Variants in KRI1 observed in about 807,000 individuals in gnomAD.
The protein encoded by KRI1 is KRI1 homolog.
A neutral mutation model predicts 97.0 loss-of-function variants in KRI1; 83 were observed. The observed-to-expected ratio is 0.86, with a 90% CI of 0.72 to 1.03. The LOEUF (loss-of-function observed/expected upper bound fraction) is 1.03. Ranked by LOEUF, KRI1 falls within the 50% of genes least tolerant of loss-of-function variation. The pLI is 0.00. For missense variants in KRI1, 916 were observed against 928.4 expected (o/e 0.99, Z 0.17); for synonymous variants, 371 against 363.5 (o/e 1.02, Z -0.23).
At chr19:10,560,834 G>A (rs531467931) in intron 8 of KRI1, among the ~76,000 whole-genome samples, 169 bp downstream of exon 8, 1 of 152,306 alleles carries the variant, frequency 6.6e-6, no homozygotes, top group East Asian at 1.9e-4. Flanking sequence ...AAAGCACTGG[G>A]ATTACAGGTG....
chr19:10,560,233 GCCT>G (rs1916649990), intron 9 of KRI1, 76 bp downstream of exon 9: 1 of 1,486,004 alleles, frequency 6.7e-7, no homozygotes, highest in Admixed American at 2.3e-5. Flanking sequence ...GGTGCCCTCT[GCCT>G]CCTGGCCAGT....
chr19:10,553,877 A>G lies in KRI1; in HGVS notation c.*74T>C. 1 of 1,217,742 alleles carries G rather than the reference A, an allele frequency of 8.2e-7. No homozygotes were observed. The highest frequency in any genetic ancestry group is 1.6e-5 in the South Asian group (1 of 64,440). The allele number at this position is 1,217,742 out of a possible 1,614,324, so 75.4% of individuals were successfully genotyped here. A position where few individuals can be genotyped will look rare whatever the true frequency, so the allele number is the denominator to read the frequency against. On this transcript the variant is annotated 3_prime_UTR_variant, in exon 19 of 19. Transcript: ENST00000312962. The stretch of plus-strand genomic sequence containing the variant: ...TGAGAGGATCTCTGCAGCAGATAGT[A>G]CTTGTGGGTGCGAGACCTGTCCAGG...
At position 10,561,785 on chromosome 19, in the gene KRI1, A is replaced by AC. The variant is rs1303265240; in HGVS notation, c.438+5dup. 3 of 1,612,068 alleles carry AC rather than the reference A, an allele frequency of 1.9e-6. No homozygotes were observed. The African/African-American group carries it at 4.0e-5, about 22-fold the overall frequency. ...AGCCCCCCGACCCAGCCTTCACCCC[A>AC]CCCACCTGGAGTCTGTGATTGGAAG... On this transcript the variant is annotated splice_donor_region_variant and intron_variant, in intron 5 of 18. Coordinates refer to ENST00000312962, the MANE Select transcript of KRI1 (RefSeq NM_023008.5).
Position 10,553,304 on chromosome 19 carries a change from C to A in KRI1, c.*647G>T, listed in dbSNP as rs891178440. 2 of 520,614 alleles carry A rather than the reference C, an allele frequency of 3.8e-6. No individual in the cohort carries two copies. Among genetic ancestry groups the A allele is most frequent in the Admixed American group, 6.4e-5 (2 of 31,446 alleles). 32.2% of individuals were successfully genotyped at this position (520,614 alleles called of 1,614,324 possible). A position where few individuals can be genotyped will look rare whatever the true frequency, so the allele number is the denominator to read the frequency against. On this transcript the variant is annotated 3_prime_UTR_variant, in exon 19 of 19. Transcript: ENST00000312962. ...AGGGAAGGAGGACCCCGGGCACCCC[C>A]CTCAGGGCCTGACTCACGTACTGTA...
chr19:10,557,922 A>G, intron 14 of KRI1, 27 bp from the exon 15 acceptor site: 1 of 1,613,716 alleles, frequency 6.2e-7, no homozygotes, highest in Non-Finnish European at 8.5e-7. Flanking sequence ...GTCAGATCCC[A>G]CCAGCCCCCC....
Position 10,561,066 on chromosome 19 carries a change from G to A in KRI1, c.600C>T (p.Ala200=), listed in dbSNP as rs538496961. The change falls in exon 8 of 19, where the codon GCC becomes GCT. Residue 200 remains alanine (A), a synonymous_variant. Transcript: ENST00000312962. ...GTCCCTTCAGCCACTCGATGTAGTC[G>A]GCCTCCTCCTGGGCCTGGGGGAAAG... ...KTRQEKAQEE[A]DYIEWLKGQK... The A allele has an allele frequency of 5.6e-6, 9 of 1,614,032 alleles. No homozygotes were observed. The highest frequency in any genetic ancestry group is 1.6e-4 in the Middle Eastern group (1 of 6,062).
Position 10,563,211 on chromosome 19 carries a change from G to A in KRI1, c.275-374C>T, listed in dbSNP as rs557085055. Among the ~76,000 whole-genome samples, 8 of 151,128 alleles carry A rather than the reference G, an allele frequency of 5.3e-5. No individual in the cohort carries two copies. In the East Asian group the frequency reaches 7.8e-4, roughly 15 times the overall value. ...GCTGGGATTACAGGTGCCCACCACC[G>A]CGCCCGGCTAATTTTTATATTTTTA... On this transcript the variant is annotated intron_variant, in intron 3 of 18. Coordinates refer to ENST00000312962, the MANE Select transcript of KRI1 (RefSeq NM_023008.5).
At position 10,555,331 on chromosome 19, in the gene KRI1, T is replaced by C; in HGVS notation, c.1636A>G (p.Lys546Glu). 3.7e-6 allele frequency: 6 copies of C among 1,614,160 alleles called. No homozygotes were observed. Among genetic ancestry groups the C allele is most frequent in the Non-Finnish European group, 5.1e-6 (6 of 1,180,022 alleles). ...AGGGAGCACCACCGGTTCAGCTCCT[T>C]ATCGTCAGCAGCGAGGATCTGCGTG... ...STEEILAADD[K>E]ELNRWCSLKK... is the part of the protein sequence containing the mutation. Residue 546 changes from lysine (K) to glutamate (E), a missense_variant, in exon 17 of 19, where the codon AAG becomes GAG. By Grantham distance (56) the Lys-to-Glu change is moderately conservative (BLOSUM62 1). Around this residue, in one of 3 missense-constraint regions of KRI1, gnomAD observed 672 missense variants for 667.2 expected, o/e 1.01. Coordinates refer to ENST00000312962, the MANE Select transcript of KRI1 (RefSeq NM_023008.5).
intron 3 of KRI1, 124 bp from the exon 4 acceptor site, chr19:10,562,961 C>A: frequency 1.5e-6 from 1 of 678,586 alleles, no homozygotes; most frequent in South Asian, 1.7e-5. Flanking sequence ...CAATTCCCAG[C>A]TGTCCAAGAG....
Position 10,557,869 on chromosome 19 carries a change from C to G in KRI1, c.1386G>C (p.Gln462His). Reference sequence around the variant, plus strand: ...GGGCCTCGCGCTTTTTCTTCCTCGGCTGGCTGGGGTCGTAGTCGGCGTCCA... The same window carrying G: ...GGGCCTCGCGCTTTTTCTTCCTCGGGTGGCTGGGGTCGTAGTCGGCGTCCA... Reference protein sequence around the residue: ...FNMDADYDPSQPRKKKREAPL... With the variant: ...FNMDADYDPSHPRKKKREAPL... Residue 462 changes from glutamine (Q) to histidine (H), a missense_variant, in exon 15 of 19, where the codon CAG (glutamine) becomes CAC (histidine). By Grantham distance (24) the Gln-to-His change is conservative (BLOSUM62 0). Around this residue, in one of 3 missense-constraint regions of KRI1, gnomAD observed 672 missense variants for 667.2 expected, o/e 1.01. Coordinates refer to ENST00000312962, the MANE Select transcript of KRI1 (RefSeq NM_023008.5). The G allele has an allele frequency of 6.2e-7, 1 of 1,613,652 alleles. No individual in the cohort carries two copies. Among genetic ancestry groups the G allele is most frequent in the Non-Finnish European group, 8.5e-7 (1 of 1,179,944 alleles).
Position 10,562,740 on chromosome 19 carries a change from C to T in KRI1, c.372G>A (p.Leu124=). 6.2e-7 allele frequency: 1 copy of T among 1,600,134 alleles called. No individual in the cohort carries two copies. Among genetic ancestry groups the T allele is most frequent in the Non-Finnish European group, 8.6e-7 (1 of 1,167,258 alleles). The change falls in exon 4 of 19, where the codon TTG becomes TTA. Residue 124 remains leucine (L), a synonymous_variant. Transcript: ENST00000312962. ...YLKDYERKVI[L]EKAGKYVDEE... is the part of the protein sequence containing the mutation. The stretch of plus-strand genomic sequence containing the variant: ...GGCCTTCTCCATACCCTGCCTTCTC[C>T]AAGATAACCTTCCTCTCGTAGTCCT...
At position 10,554,132 on chromosome 19, in the gene KRI1, G is replaced by A. The variant is rs1424750826; in HGVS notation, c.1931C>T (p.Pro644Leu). Residue 644 changes from proline (P) to leucine (L), a missense_variant, in exon 19 of 19, where the codon CCA becomes CTA. By Grantham distance (98) the Pro-to-Leu change is moderately conservative (BLOSUM62 -3). Transcript: ENST00000312962. ...GGCCCTCCTCCGCTTCTGGGGGGCT[G>A]GCTTCTTGTGGGGTGATACAGGGGC... ...EEAPVSPHKKPAPQKRRRAKK... is the reference protein window; with the variant it reads ...EEAPVSPHKKLAPQKRRRAKK... The A allele has an allele frequency of 6.2e-7, 1 of 1,614,146 alleles. No individual in the cohort carries two copies. The highest frequency in any genetic ancestry group is 2.2e-5 in the East Asian group (1 of 44,886).
rs1354502277 is a variant in KRI1 at position 10,555,178 on chromosome 19, G to A, written c.1690C>T (p.Gln564Ter). The change falls in exon 18 of 19, where the codon CAG becomes TAG. Residue 564 changes from glutamine to a stop codon, truncating the protein, a stop_gained. Transcript: ENST00000312962. LOFTEE classifies it high-confidence loss of function. ...LKKTCMYRSE[Q>*]EELRDKRAYS... The stretch of plus-strand genomic sequence containing the variant: ...GCCCGCTTGTCCCGCAGCTCCTCCT[G>A]CTCTGACCTGCAGACAGATGCCCCT... The A allele has an allele frequency of 1.2e-6, 2 of 1,614,176 alleles. No homozygotes were observed. Among genetic ancestry groups the A allele is most frequent in the South Asian group, 1.1e-5 (1 of 91,080 alleles).
At chr19:10,556,772 T>C (rs1311456425) in intron 16 of KRI1, among the ~76,000 whole-genome samples, 1 of 152,034 alleles carries the variant, frequency 6.6e-6, no homozygotes, top group Non-Finnish European at 1.5e-5. Context: ...AGGAAGCTTG[T>C]TTAGGCCCAG....
intron 12 of KRI1, among the ~76,000 whole-genome samples, chr19:10,559,010 T>A (rs1203587307): frequency 4.2e-5 from 2 of 48,092 alleles, no homozygotes; most frequent in Admixed American, 2.5e-4. Flanking sequence ...CGGCCAGGTC[T>A]TTTTTTTTTT....
rs534578815 is a variant in KRI1, at chr19:10,557,971, C to T, written c.1359+1G>A. ...GGACTCCCTCAACCCGTGATACCTACGTTGAAGTTGGGGTCCTCACAGTGC... is the reference window on the plus strand; with the variant it reads ...GGACTCCCTCAACCCGTGATACCTATGTTGAAGTTGGGGTCCTCACAGTGC... On this transcript the variant is annotated splice_donor_variant, in intron 14 of 18. Coordinates refer to ENST00000312962, the MANE Select transcript of KRI1 (RefSeq NM_023008.5). LOFTEE classifies it high-confidence loss of function. The T allele has an allele frequency of 4.3e-6, 7 of 1,614,092 alleles. No individual in the cohort carries two copies. In the South Asian group the frequency reaches 4.4e-5, roughly 10 times the overall value.
intron 16 of KRI1, among the ~76,000 whole-genome samples, chr19:10,556,224 G>A (rs1916495869): frequency 6.6e-6 from 1 of 152,092 alleles, no homozygotes; most frequent in African/African-American, 2.4e-5. Context: ...ATCTCCCTAT[G>A]TTGCTCAGGT....
rs539164871 is a variant in KRI1, at chr19:10,558,732, G to A, written c.1195-493C>T. Among the ~76,000 whole-genome samples the A allele has an allele frequency of 7.9e-5, 12 of 151,290 alleles. No individual in the cohort carries two copies. The South Asian group carries it at 1.7e-3, about 21-fold the overall frequency. On this transcript the variant is annotated intron_variant, in intron 12 of 18. Coordinates refer to ENST00000312962, the MANE Select transcript of KRI1 (RefSeq NM_023008.5). ...TAAGATCTTTTTTTTTTGAGACAGC[G>A]TCTCACCCAGTAGCCCATGCTGGAG...
Position 10,565,983 on chromosome 19 carries a change from C to A in KRI1, c.17G>T (p.Gly6Val), listed in dbSNP as rs917911899. Reference sequence around the variant, plus strand: ...CGCGTTCACCCGCAGCTGCGACGACCCGCGCGGTTCCGGCATGGCGGTTCT... The same window carrying A: ...CGCGTTCACCCGCAGCTGCGACGACACGCGCGGTTCCGGCATGGCGGTTCT... MPEPR[G>V]SSQLRVNAAF... The change falls in exon 1 of 19, where the codon GGG (glycine) becomes GTG (valine). Residue 6 changes from glycine to valine, a missense_variant. By Grantham distance (109) the Gly-to-Val change is moderately radical. This residue lies in a region of KRI1 where 173 missense variants were observed against 153.1 expected (regional missense o/e 1.13). Coordinates refer to ENST00000312962, the MANE Select transcript of KRI1 (RefSeq NM_023008.5). 2 of 1,523,138 alleles carry A rather than the reference C, an allele frequency of 1.3e-6. No individual in the cohort carries two copies. The highest frequency in any genetic ancestry group is 5.1e-5 in the East Asian group (2 of 38,906). 94.4% of individuals were successfully genotyped at this position (1,523,138 alleles called of 1,614,324 possible). A position where few individuals can be genotyped will look rare whatever the true frequency, so the allele number is the denominator to read the frequency against.
Sources: gnomAD v4.1 joint callset for allele counts (sites outside exome capture counted in the v4.1 genomes callset) on GRCh38, gnomAD v4.1.1 for gene constraint, gnomAD v4.1.1 regional missense constraint, MANE v1.5 for transcripts, NCBI Gene and HGNC (gene_info 2026-07-23, HGNC 2026-07-21) for gene names.